GDAP1: variants seen among roughly 807,000 people sequenced by gnomAD.
GDAP1 encodes the protein ganglioside-induced differentiation-associated protein 1.
A neutral mutation model predicts 40.1 loss-of-function variants in GDAP1; 34 were observed. The ratio of observed to expected loss-of-function variants is 0.85; its 90% CI spans 0.64 to 1.13. GDAP1 has a LOEUF of 1.13. Among genes scored for constraint, GDAP1 ranks in the 50% most tolerant of loss-of-function variants. The pLI, the probability that GDAP1 is intolerant of heterozygous loss-of-function variation, is 0.00. For synonymous variants in GDAP1, 170 were observed against 157.4 expected (o/e 1.08, Z -0.60); for missense variants, 374 against 433.7 (o/e 0.86, Z 1.22).
intron 2 of GDAP1, among the ~76,000 whole-genome samples, chr8:74,381,149 A>G (rs1809946726): frequency 6.6e-6 from 1 of 152,114 alleles, no homozygotes; most frequent in Admixed American, 6.5e-5. Context: ...AATTTATCAA[A>G]TTGTTTATTT....
chr8:74,366,865 C>T lies in GDAP1; in HGVS notation c.*2498C>T. Reference sequence around the variant, plus strand: ...AAAGTAATTGGAAAATAAATATGAACCCTAAAACAAAGTACTCACTTTGTA... The same window carrying T: ...AAAGTAATTGGAAAATAAATATGAATCCTAAAACAAAGTACTCACTTTGTA... On this transcript the variant is annotated 3_prime_UTR_variant, in exon 6 of 6. Transcript: ENST00000220822. 1 of 423,668 alleles carries T rather than the reference C, an allele frequency of 2.4e-6. No individual in the cohort carries two copies. Among genetic ancestry groups the T allele is most frequent in the Non-Finnish European group, 4.6e-6 (1 of 215,908 alleles). 26.2% of individuals were successfully genotyped at this position (423,668 alleles called of 1,614,324 possible). A position where few individuals can be genotyped will look rare whatever the true frequency, so the allele number is the denominator to read the frequency against.
intron 2 of GDAP1, among the ~76,000 whole-genome samples, chr8:74,446,921 G>A (rs1806236724): frequency 6.6e-6 from 1 of 152,090 alleles, no homozygotes. Flanking sequence ...AGAGTGGGGA[G>A]TGACTATTAT....
At position 74,487,253 on chromosome 8, in the gene GDAP1, C is replaced by G. The variant is rs1037846493; in HGVS notation, c.166-1425C>G. 3.9e-5 allele frequency among the ~76,000 whole-genome samples: 6 copies of G among 152,022 alleles called. No individual in the cohort carries two copies. In the East Asian group the frequency reaches 1.2e-3, roughly 29 times the overall value. ...TACATTGCAGTGGAAATGAAGGAAA[C>G]CATTTCAACAAAAACATACCTTAAG... On this transcript the variant is annotated intron_variant, in intron 2 of 2. Coordinates refer to the GDAP1 transcript ENST00000523640.
At chr8:74,372,517 C>T (rs1809772275) in intron 2 of GDAP1, among the ~76,000 whole-genome samples, 1 of 152,158 alleles carries the variant, frequency 6.6e-6, no homozygotes, top group Admixed American at 6.5e-5. Flanking sequence ...CTCTAATGGC[C>T]AGTGATGATG....
At chr8:74,471,564 T>A (rs1468517558) in intron 2 of GDAP1, among the ~76,000 whole-genome samples, 1 of 152,168 alleles carries the variant, frequency 6.6e-6, no homozygotes, top group Non-Finnish European at 1.5e-5. Context: ...ATTGACTTTT[T>A]AAAAAGTATA....
intron 2 of GDAP1, among the ~76,000 whole-genome samples, chr8:74,433,526 A>G (rs751586744): frequency 2.6e-5 from 4 of 152,230 alleles, no homozygotes; most frequent in African/African-American, 4.8e-5. Context: ...TGCATAGTCT[A>G]TGCACACAGT....
chr8:74,462,125 C>T (rs918142612), intron 2 of GDAP1, among the ~76,000 whole-genome samples: 1 of 152,120 alleles, frequency 6.6e-6, no homozygotes, highest in Non-Finnish European at 1.5e-5. Flanking sequence ...TATTTTAACA[C>T]ATAAAGATTT....
At chr8:74,464,726 G>A (rs1437869892) in intron 2 of GDAP1, among the ~76,000 whole-genome samples, 1 of 152,102 alleles carries the variant, frequency 6.6e-6, no homozygotes, top group Non-Finnish European at 1.5e-5. Context: ...CTAGAGATAA[G>A]AATAACTCCG....
chr8:74,486,257 G>A (rs1806775313), intron 2 of GDAP1, among the ~76,000 whole-genome samples: 1 of 152,066 alleles, frequency 6.6e-6, no homozygotes, highest in Non-Finnish European at 1.5e-5. Flanking sequence ...TTTTATGGCA[G>A]GAAAAATATA....
intron 2 of GDAP1, among the ~76,000 whole-genome samples, chr8:74,465,557 C>T (rs892888451): frequency 6.6e-6 from 1 of 152,164 alleles, no homozygotes; most frequent in Admixed American, 6.5e-5. Flanking sequence ...CATCGAGCAG[C>T]TTGATCATTT....
At chr8:74,469,391 G>A (rs1806514690) in intron 2 of GDAP1, among the ~76,000 whole-genome samples, 1 of 152,092 alleles carries the variant, frequency 6.6e-6, no homozygotes, top group South Asian at 2.1e-4. Flanking sequence ...ATTCTGAGGC[G>A]GGCGCAGTGG....
Position 74,365,112 on chromosome 8 carries a change from A to C in GDAP1, c.*745A>C, listed in dbSNP as rs1176778356. The stretch of plus-strand genomic sequence containing the variant: ...AAGGGTGGCATCTGTAGCCCTCTTC[A>C]TACACATAAGTGGCATTTAGGTGAA... On this transcript the variant is annotated 3_prime_UTR_variant, in exon 6 of 6. Transcript: ENST00000220822. The C allele has an allele frequency of 6.6e-6, 3 of 453,994 alleles. No individual in the cohort carries two copies. The highest frequency in any genetic ancestry group is 6.0e-5 in the African/African-American group (3 of 49,982). The allele number at this position is 453,994 out of a possible 1,614,324, so 28.1% of individuals were successfully genotyped here.
intron 2 of GDAP1, among the ~76,000 whole-genome samples, chr8:74,477,264 A>C (rs1806642064): frequency 6.6e-6 from 1 of 152,278 alleles, no homozygotes; most frequent in East Asian, 1.9e-4. Flanking sequence ...ATCCCCAACC[A>C]GATTCCATAT....
intron 2 of GDAP1, among the ~76,000 whole-genome samples, chr8:74,394,642 C>T (rs1369848045): frequency 6.6e-6 from 1 of 152,168 alleles, no homozygotes; most frequent in African/African-American, 2.4e-5. Flanking sequence ...TGGCTCTACA[C>T]ACCCATTCAC....
intron 5 of GDAP1, 49 bp from the exon 6 acceptor site, chr8:74,363,936 G>A (rs758557304): frequency 6.4e-7 from 1 of 1,556,972 alleles, no homozygotes; most frequent in African/African-American, 1.4e-5. Flanking sequence ...GCTGGAGTCT[G>A]TCTGTAGAGT....
intron 3 of GDAP1, 86 bp downstream of exon 3, chr8:74,360,396 A>G: frequency 8.6e-7 from 1 of 1,157,324 alleles, no homozygotes; most frequent in South Asian, 1.2e-5. Context: ...ATGGTCACTA[A>G]AAGAAGATTG....
intron 2 of GDAP1, among the ~76,000 whole-genome samples, chr8:74,412,886 G>A (rs1442245717): frequency 2.1e-5 from 3 of 145,686 alleles, no homozygotes; most frequent in Admixed American, 6.7e-5. Context: ...GTGAAACCCC[G>A]TCTCTACTAA....
At chr8:74,468,166 C>T (rs771697937) in intron 2 of GDAP1, among the ~76,000 whole-genome samples, 3 of 151,554 alleles carry the variant, frequency 2.0e-5, no homozygotes, top group Non-Finnish European at 2.9e-5. Flanking sequence ...CTTTAAATTA[C>T]GGTGGTGTTT....
chr8:74,385,486 T>C (rs1344668128), intron 2 of GDAP1, among the ~76,000 whole-genome samples: 2 of 152,194 alleles, frequency 1.3e-5, no homozygotes, highest in Non-Finnish European at 2.9e-5. Context: ...GCTTCATCCA[T>C]GTCCCTGCAA....
Sources: gnomAD v4.1 joint callset for allele counts (sites outside exome capture counted in the v4.1 genomes callset) on GRCh38, gnomAD v4.1.1 for gene constraint, MANE v1.5 for transcripts, NCBI Gene and HGNC (gene_info 2026-07-23, HGNC 2026-07-21) for gene names.